Variants in DNAAF11 observed in about 807,000 individuals in gnomAD.
DNAAF11 encodes the protein leucine rich repeat containing 6.
A neutral mutation model predicts 60.8 loss-of-function variants in DNAAF11; 45 were observed. The ratio of observed to expected loss-of-function variants is 0.74; its 90% confidence interval spans 0.58 to 0.95. DNAAF11 has a LOEUF of 0.95. Among genes scored for constraint, DNAAF11 ranks in the 40% least tolerant of loss-of-function variants. DNAAF11 has a pLI of 0.00. For synonymous variants in DNAAF11, 191 were observed against 183.5 expected (o/e 1.04, Z -0.33); for missense variants, 546 against 546.2 (o/e 1.00, Z 0.00).
chr8:132,669,537 CA>C (rs1045840903), intron 1 of DNAAF11, among the ~76,000 whole-genome samples: 1 of 152,144 alleles, frequency 6.6e-6, no homozygotes, highest in African/African-American at 2.4e-5. Context: ...CTGCTAAACA[CA>C]ACTGATCAGG....
chr8:132,595,805 C>T (rs976244047), intron 10 of DNAAF11, among the ~76,000 whole-genome samples: 4 of 152,106 alleles, frequency 2.6e-5, no homozygotes, highest in Non-Finnish European at 5.9e-5. Context: ...TCTGGCTTCT[C>T]TATGGAGAAA....
chr8:132,668,658 G>C (rs958951092), intron 1 of DNAAF11, among the ~76,000 whole-genome samples: 1 of 151,980 alleles, frequency 6.6e-6, no homozygotes, highest in African/African-American at 2.4e-5. Flanking sequence ...TAGCCAGGAT[G>C]GTCTCGATCT....
chr8:132,610,326 G>T, intron 9 of DNAAF11, 65 bp from the exon 10 acceptor site: 1 of 1,032,150 alleles, frequency 9.7e-7, no homozygotes, highest in Non-Finnish European at 1.5e-6. Context: ...GTTACTAAAA[G>T]GGGCATTTTC....
chr8:132,654,408 G>C (rs1823329842), intron 3 of DNAAF11, among the ~76,000 whole-genome samples: 1 of 151,792 alleles, frequency 6.6e-6, no homozygotes, highest in African/African-American at 2.4e-5. Flanking sequence ...AGGAAAGAAA[G>C]AAACAAAAGG....
the DNAAF11 span, among the ~76,000 whole-genome samples, chr8:132,694,133 G>A: frequency 6.6e-6 from 1 of 152,120 alleles, no homozygotes; most frequent in Admixed American, 6.6e-5. Context: ...GGTAAGCAGG[G>A]GTAAGCTATA....
chr8:132,673,061 A>G (rs1825339657), intron 1 of DNAAF11, among the ~76,000 whole-genome samples: 2 of 152,316 alleles, frequency 1.3e-5, no homozygotes, highest in South Asian at 4.1e-4. Context: ...TTTATTGGGA[A>G]GCACGGGGGA....
intron 1 of DNAAF11, among the ~76,000 whole-genome samples, chr8:132,671,337 A>C (rs1038699179): frequency 6.6e-6 from 1 of 152,208 alleles, no homozygotes; most frequent in African/African-American, 2.4e-5. Flanking sequence ...AATATGTGCA[A>C]AGTCTGTCCA....
In DNAAF11 at chr8:132,612,966, G is replaced by A. The variant is rs1002284644; in HGVS notation, c.975-1603C>T. Among the ~76,000 whole-genome samples, 16 of 152,178 alleles carry A rather than the reference G, an allele frequency of 1.1e-4. 1 individual carries two copies. The highest frequency in any genetic ancestry group is 1.0e-3 in the Admixed American group (16 of 15,278). On this transcript the variant is annotated intron_variant, in intron 8 of 11. Coordinates refer to ENST00000620350, the MANE Select transcript of DNAAF11 (RefSeq NM_012472.6). ...GGAAGCAGCCAACAGAGCTGAAAAAGAAAGGGTTATACATTCATTAAACAC... is the reference window on the plus strand; with the variant it reads ...GGAAGCAGCCAACAGAGCTGAAAAAAAAAGGGTTATACATTCATTAAACAC...
Position 132,572,416 on chromosome 8 carries a change from TG to T in DNAAF11, c.1290del (p.Asn430LysfsTer2), listed in dbSNP as rs1563952241. 6.2e-7 allele frequency: 1 copy of T among 1,613,674 alleles called. No homozygotes were observed. Among genetic ancestry groups the T allele is most frequent in the African/African-American group, 1.3e-5 (1 of 75,032 alleles). On this transcript the variant is annotated frameshift_variant, in exon 12 of 12. Transcript: ENST00000620350. LOFTEE classifies it high-confidence loss of function. ...GGTGTGTGTTTTTTCTCTTGAACTA[TG>T]TTAGTCACATCAGGGAATGAGTGCT... The part of the protein sequence containing the change: ...PSKHSFPDVT[N>X]IVQEKKHTPR...
intron 4 of DNAAF11, among the ~76,000 whole-genome samples, chr8:132,636,035 C>T (rs188801027): frequency 1.3e-5 from 2 of 151,920 alleles, no homozygotes; most frequent in East Asian, 1.9e-4. Context: ...TTCAGAACTA[C>T]AAGATGATAC....
chr8:132,670,213 A>T (rs1472317233), intron 1 of DNAAF11, among the ~76,000 whole-genome samples: 1 of 152,136 alleles, frequency 6.6e-6, no homozygotes, highest in Non-Finnish European at 1.5e-5. Context: ...ATAAAAATTA[A>T]AGCTGGCTCT....
In DNAAF11 at chr8:132,615,049, A is replaced by G; in HGVS notation, c.963T>C (p.Leu321=). The G allele has an allele frequency of 6.3e-7, 1 of 1,599,112 alleles. No individual in the cohort carries two copies. Among genetic ancestry groups the G allele is most frequent in the South Asian group, 1.1e-5 (1 of 89,982 alleles). ...GAAAATGTCTTTACCTATAGACAGC[A>G]AGGTCCAGGATGATCTGCTTTTCGT... ...KDNEKQIILD[L]AVYRYMDTSL... is the part of the protein sequence containing the mutation. The change falls in exon 8 of 12, where the codon CTT becomes CTC. Residue 321 remains leucine (L), a synonymous_variant. Coordinates refer to ENST00000620350, the MANE Select transcript of DNAAF11 (RefSeq NM_012472.6).
At chr8:132,602,744 A>AATATATATATATATATATATATATATAT in intron 10 of DNAAF11, among the ~76,000 whole-genome samples, 1 of 141,870 alleles carries the variant, frequency 7.0e-6, no homozygotes. Context: ...CTTAATTTGA[A>AATATATATATATATATATATATATATAT]ATATATATAT....
At chr8:132,616,619 G>A (rs1173282197) in intron 7 of DNAAF11, among the ~76,000 whole-genome samples, 1 of 152,184 alleles carries the variant, frequency 6.6e-6, no homozygotes, top group Non-Finnish European at 1.5e-5. Context: ...CGATGCTGGA[G>A]AGTGTTAGTG....
intron 1 of DNAAF11, among the ~76,000 whole-genome samples, chr8:132,671,312 G>A (rs1825169232): frequency 6.6e-6 from 1 of 152,162 alleles, no homozygotes; most frequent in South Asian, 2.1e-4. Context: ...GAAGTACTTA[G>A]AGATAAATCA....
intron 5 of DNAAF11, among the ~76,000 whole-genome samples, chr8:132,626,128 C>T (rs935092179): frequency 2.0e-5 from 3 of 152,096 alleles, no homozygotes; most frequent in South Asian, 2.1e-4. Flanking sequence ...CTCTGCTCAC[C>T]GCAAGCTCCG....
intron 4 of DNAAF11, among the ~76,000 whole-genome samples, chr8:132,635,808 G>A (rs974973593): frequency 6.6e-6 from 1 of 152,176 alleles, no homozygotes; most frequent in Non-Finnish European, 1.5e-5. Flanking sequence ...TTATCCTGGA[G>A]CAGGTGGGCC....
intron 11 of DNAAF11, chr8:132,578,554 T>C (rs948966341): frequency 7.9e-7 from 1 of 1,271,460 alleles, no homozygotes; most frequent in Non-Finnish European, 1.1e-6. Context: ...ATCATGGAAG[T>C]AAGCAAGAAA....
chr8:132,663,811 A>C (rs1824360540), intron 1 of DNAAF11, among the ~76,000 whole-genome samples: 1 of 152,194 alleles, frequency 6.6e-6, no homozygotes, highest in Non-Finnish European at 1.5e-5. Flanking sequence ...TTCGTTCCTG[A>C]AGACAGACCA....
Sources: allele counts gnomAD v4.1 joint callset (sites outside exome capture counted in the v4.1 genomes callset), GRCh38; gene constraint gnomAD v4.1.1; transcripts MANE v1.5; gene names NCBI Gene and HGNC (gene_info 2026-07-23, HGNC 2026-07-21).